The following TBCD variants were observed in gnomAD, a reference collection of about 807,000 sequenced individuals.
TBCD encodes the protein tubulin folding cofactor D.
In TBCD, 105 loss-of-function variants were observed where a neutral mutation model predicts 169.3. The observed-to-expected ratio is 0.62, with a 90% CI of 0.53 to 0.73. TBCD has a LOEUF of 0.73. Ranked by LOEUF, TBCD falls within the 30% of genes least tolerant of loss-of-function variation. The pLI is 0.00. For missense variants in TBCD, 1,444 were observed against 1,600.1 expected, an observed-to-expected ratio of 0.90 and a Z score of 1.66; for synonymous variants, 700 against 643.9, an observed-to-expected ratio of 1.09 and a Z score of -1.32.
chr17:82,941,577 C>T (rs759168267), intron 38 of TBCD, 94 bp downstream of exon 38: 17 of 1,126,840 alleles, frequency 1.5e-5, no homozygotes, highest in Non-Finnish European at 1.6e-5. Flanking sequence ...TCTGCCAGCA[C>T]GTCCACACGG....
At chr17:82,805,772 C>T in intron 9 of TBCD, 103 bp from the exon 10 acceptor site, 4 of 1,391,618 alleles carry the variant, frequency 2.9e-6, no homozygotes, top group Non-Finnish European at 2.9e-6. Context: ...ATGGAATTTT[C>T]ACAGGCACGC....
intron 4 of TBCD, among the ~76,000 whole-genome samples, chr17:82,768,098 T>C (rs1433269085): frequency 6.6e-6 from 1 of 152,194 alleles, no homozygotes; most frequent in Non-Finnish European, 1.5e-5. Flanking sequence ...TTTCACTTTT[T>C]CAAAAGGCCA....
chr17:82,916,905 T>G (rs2061074270), intron 23 of TBCD, among the ~76,000 whole-genome samples: 1 of 152,162 alleles, frequency 6.6e-6, no homozygotes, highest in African/African-American at 2.4e-5. Flanking sequence ...TCCTCTCCTT[T>G]TGGGACTCTT....
intron 13 of TBCD, among the ~76,000 whole-genome samples, chr17:82,819,817 T>C (rs2052254674): frequency 6.6e-6 from 1 of 152,210 alleles, no homozygotes; most frequent in Non-Finnish European, 1.5e-5. Context: ...TCCTTTCACC[T>C]TTTTTGTGGC....
chr17:82,857,232 T>C (rs1381269787), intron 13 of TBCD, among the ~76,000 whole-genome samples: 3 of 152,260 alleles, frequency 2.0e-5, no homozygotes, highest in African/African-American at 4.8e-5. Flanking sequence ...CATCTTTTCA[T>C]GTGCTCCTTG....
rs79998409 is a variant in TBCD at position 82,832,991 on chromosome 17, C to T, written c.1318+18057C>T. Among the ~76,000 whole-genome samples the T allele has an allele frequency of 0.022, 3,363 of 152,202 alleles. 142 individuals carry two copies. Among genetic ancestry groups the T allele is most frequent in the African/African-American group, 0.076 (3,173 of 41,498 alleles). ...TGTGACCTGGACCTTTCCTCGAAAG[C>T]GCCCTGCCGGGGGCTGAGGACACCG... is the stretch of plus-strand genomic sequence containing the variant. On this transcript the variant is annotated intron_variant, in intron 13 of 38. Coordinates refer to ENST00000355528, the MANE Select transcript of TBCD (RefSeq NM_005993.5). This position sits in a 1 kb window ranked among gnomAD's most constrained non-coding sequence, Gnocchi z 4.9.
At chr17:82,837,762 T>C (rs767804737) in intron 13 of TBCD, among the ~76,000 whole-genome samples, 8 of 152,234 alleles carry the variant, frequency 5.3e-5, no homozygotes, top group African/African-American at 1.4e-4. Flanking sequence ...GAAATACTTA[T>C]GCAGAGTCTT....
intron 14 of TBCD, among the ~76,000 whole-genome samples, chr17:82,871,215 G>A (rs911038340): frequency 3.4e-5 from 3 of 88,838 alleles, no homozygotes; most frequent in Admixed American, 2.3e-4. Flanking sequence ...GATACTTTTT[G>A]CTTAGGAAAC....
chr17:82,823,616 C>G (rs969989345), intron 13 of TBCD, among the ~76,000 whole-genome samples: 10 of 150,818 alleles, frequency 6.6e-5, no homozygotes, highest in African/African-American at 2.4e-4. Flanking sequence ...CCCGTTAAGA[C>G]TGTTTAGAAA....
chr17:82,766,454 T>C (rs1186770715), intron 4 of TBCD, 86 bp downstream of exon 4: 10 of 796,082 alleles, frequency 1.3e-5, no homozygotes, highest in Non-Finnish European at 1.8e-5. Flanking sequence ...CACCTTCCCC[T>C]TCCTGTTTCT....
chr17:82,872,105 G>T (rs1173127251), intron 14 of TBCD, among the ~76,000 whole-genome samples: 1 of 152,226 alleles, frequency 6.6e-6, no homozygotes, highest in African/African-American at 2.4e-5. Context: ...CGTGGCCAGC[G>T]TCTCATAGTC....
intron 1 of TBCD, 70 bp downstream of exon 1, chr17:82,752,447 G>A: frequency 2.6e-6 from 3 of 1,137,364 alleles, no homozygotes; most frequent in African/African-American, 1.6e-5. Context: ...GCACTTTACC[G>A]GGCGGGGACC....
intron 13 of TBCD, among the ~76,000 whole-genome samples, chr17:82,829,159 G>T (rs563875710): frequency 3.4e-5 from 5 of 148,110 alleles, no homozygotes; most frequent in African/African-American, 1.3e-4. Flanking sequence ...GCACACACCC[G>T]CAGAGATGCA....
Position 82,809,797 on chromosome 17 carries a change from C to T in TBCD, c.1223+15C>T, listed in dbSNP as rs2051292537. Reference sequence around the variant, plus strand: ...GACTGCTTCAGGTATGTGAGAAGAGCAGGGGAGGCGTGTGGGCCTGACCCT... The same window carrying T: ...GACTGCTTCAGGTATGTGAGAAGAGTAGGGGAGGCGTGTGGGCCTGACCCT... On this transcript the variant is annotated intron_variant, in intron 12 of 38. Transcript: ENST00000355528. The T allele has an allele frequency of 1.9e-6, 3 of 1,612,316 alleles. No individual in the cohort carries two copies. Among genetic ancestry groups the T allele is most frequent in the African/African-American group, 1.3e-5 (1 of 75,018 alleles).
intron 14 of TBCD, among the ~76,000 whole-genome samples, chr17:82,876,401 G>A (rs1031249743): frequency 9.2e-5 from 14 of 152,354 alleles, no homozygotes; most frequent in East Asian, 3.9e-4. Flanking sequence ...CCCGGGGATG[G>A]TAGATGAACG....
At position 82,822,799 on chromosome 17, in the gene TBCD, G is replaced by A. The variant is rs681595; in HGVS notation, c.1318+7865G>A. ...TCAGTGAAAGAGAGTGAGATAGTAA[G>A]GTCAGTGAGTGACATGTTGGAGCCT... On this transcript the variant is annotated intron_variant, in intron 13 of 38. Transcript: ENST00000355528. Among the ~76,000 whole-genome samples the A allele has an allele frequency of 6.3e-3, 964 of 152,324 alleles. 11 individuals are homozygous for A. Among genetic ancestry groups the A allele is most frequent in the African/African-American group, 0.022 (916 of 41,556 alleles).
intron 19 of TBCD, among the ~76,000 whole-genome samples, chr17:82,904,544 G>C (rs1252071936): frequency 1.3e-5 from 2 of 152,252 alleles, no homozygotes; most frequent in South Asian, 2.1e-4. Flanking sequence ...TCAGTGAAGA[G>C]AGAAATCCTG....
intron 14 of TBCD, among the ~76,000 whole-genome samples, chr17:82,883,167 G>T (rs1188380848): frequency 6.6e-6 from 1 of 152,266 alleles, no homozygotes; most frequent in African/African-American, 2.4e-5. Context: ...CACGGCTCAG[G>T]TCTGTCAACT....
At position 82,894,292 on chromosome 17, in the gene TBCD, C is replaced by CA. The variant is rs567424803; in HGVS notation, c.1649+661dup. Among the ~76,000 whole-genome samples the CA allele has an allele frequency of 6.0e-3, 911 of 152,188 alleles. 9 individuals carry two copies. The highest frequency in any genetic ancestry group is 0.021 in the African/African-American group (865 of 41,532). ...AGTTATCTTAGTTGATCCATTGCAGCAGAAATGTGAAAAAGGGTGTGACTT... is the reference window on the plus strand; with the variant it reads ...AGTTATCTTAGTTGATCCATTGCAGCAAGAAATGTGAAAAAGGGTGTGACTT... On this transcript the variant is annotated intron_variant, in intron 17 of 38. Coordinates refer to ENST00000355528, the MANE Select transcript of TBCD (RefSeq NM_005993.5).
Sources: gnomAD v4.1 joint callset for allele counts (sites outside exome capture counted in the v4.1 genomes callset) on GRCh38, gnomAD v4.1.1 for gene constraint, Gnocchi (gnomAD v3.1) non-coding constraint, MANE v1.5 for transcripts, NCBI Gene and HGNC (gene_info 2026-07-23, HGNC 2026-07-21) for gene names.